The following LONRF2 variants were observed in gnomAD, a reference collection of about 807,000 sequenced individuals.
LONRF2 encodes LON peptidase N-terminal domain and ring finger 2, also known as LON peptidase N-terminal domain and RING finger protein 2.
A neutral mutation model predicts 66.6 loss-of-function variants in LONRF2; 35 were observed. The ratio of observed to expected loss-of-function variants is 0.53; its 90% confidence interval spans 0.40 to 0.70. The LOEUF (loss-of-function observed/expected upper bound fraction) is 0.70, where lower values mean the gene tolerates loss of function less well. Ranked by LOEUF, LONRF2 falls within the 30% of genes least tolerant of loss-of-function variation. LONRF2 has a pLI of 0.00. For missense variants in LONRF2, 902 were observed against 1,002.1 expected (o/e 0.90, Z 1.35); for synonymous variants, 417 against 418.1 (o/e 1.00, Z 0.03).
At chr2:100,306,925 CTTT>C (rs34262421) in intron 2 of LONRF2, among the ~76,000 whole-genome samples, 2 of 119,982 alleles carry the variant, frequency 1.7e-5, no homozygotes, top group Non-Finnish European at 1.7e-5. Flanking sequence ...GAGTCTCGCT[CTTT>C]TTTTTTTTTT....
intron 9 of LONRF2, among the ~76,000 whole-genome samples, chr2:100,293,766 G>C (rs1423036883): frequency 6.6e-6 from 1 of 152,204 alleles, no homozygotes; most frequent in African/African-American, 2.4e-5. Flanking sequence ...TTTTTGTAGA[G>C]ATGGGGTCTC....
At chr2:100,299,957 G>C in intron 4 of LONRF2, 39 bp from the exon 5 acceptor site, 1 of 1,164,892 alleles carries the variant, frequency 8.6e-7, no homozygotes. Flanking sequence ...GAGTATTAAA[G>C]AAATCATAGC....
intron 11 of LONRF2, among the ~76,000 whole-genome samples, chr2:100,286,474 T>C (rs991753810): frequency 6.6e-6 from 1 of 152,166 alleles, no homozygotes; most frequent in East Asian, 1.9e-4. Context: ...GCAGGGTACT[T>C]AGAGGACAAG....
chr2:100,295,648 G>A, intron 7 of LONRF2, 95 bp from the exon 8 acceptor site: 1 of 1,292,626 alleles, frequency 7.7e-7, no homozygotes, highest in East Asian at 2.5e-5. Context: ...TGGTGGGTGG[G>A]ATCTCTGAGC....
intron 9 of LONRF2, 36 bp downstream of exon 9, chr2:100,294,193 T>G (rs1675018153): frequency 6.2e-7 from 1 of 1,600,354 alleles, no homozygotes; most frequent in African/African-American, 1.3e-5. Context: ...ATGCCCTTCA[T>G]TAGGACCCTT....
At chr2:100,297,189 C>T (rs563700497) in intron 7 of LONRF2, among the ~76,000 whole-genome samples, 47 of 151,856 alleles carry the variant, frequency 3.1e-4, no homozygotes, top group South Asian at 1.5e-3. Flanking sequence ...AGTGCAGTGG[C>T]GCAATCTTGG....
rs75868303 is a variant in LONRF2 at position 100,292,288 on chromosome 2, G to A, written c.1758-1868C>T. 2.6e-4 allele frequency among the ~76,000 whole-genome samples: 40 copies of A among 152,302 alleles called. No individual in the cohort carries two copies. The East Asian group carries it at 7.7e-3, about 29-fold the overall frequency. Reference sequence around the variant, plus strand: ...CTTGCTGCAGGGCATGACTCATCAAGGAGCCTCTTATCTGTGGACAGGAGC... The same window carrying A: ...CTTGCTGCAGGGCATGACTCATCAAAGAGCCTCTTATCTGTGGACAGGAGC... On this transcript the variant is annotated intron_variant, in intron 9 of 11. Transcript: ENST00000393437.
chr2:100,311,716 G>A lies in LONRF2; in HGVS notation c.680-2491C>T, dbSNP rs550401239. ...AGAGAAAATATTTATCAAGTTAGGT[G>A]ATTTCTCTCCCATTCCTAGTTTTCT... On this transcript the variant is annotated intron_variant, in intron 1 of 11. Coordinates refer to ENST00000393437, the MANE Select transcript of LONRF2 (RefSeq NM_198461.4). Among the ~76,000 whole-genome samples, 3 of 152,208 alleles carry A rather than the reference G, an allele frequency of 2.0e-5. No homozygotes were observed. The South Asian group carries it at 6.2e-4, about 32-fold the overall frequency.
In LONRF2 at chr2:100,275,689, C is replaced by T. The variant is rs1674586413; in HGVS notation, c.*8609G>A. 1 of 152,190 alleles carries T rather than the reference C, an allele frequency of 6.6e-6. No homozygotes were observed. Among genetic ancestry groups the T allele is most frequent in the African/African-American group, 2.4e-5 (1 of 41,438 alleles). The allele number at this position is 152,190 out of a possible 1,614,324, so 9.4% of individuals were successfully genotyped here. On this transcript the variant is annotated 3_prime_UTR_variant, in exon 12 of 12. Coordinates refer to ENST00000393437, the MANE Select transcript of LONRF2 (RefSeq NM_198461.4). ...AGGGGAAGGGGTGGGACACTTTGTT[C>T]CCACTCCCCTGAGACCTGCAGAAGC...
rs1231555223 is a variant in LONRF2 at position 100,321,794 on chromosome 2, G to T, written c.300C>A (p.Gly100=). ...LRPEELEELA[G]GLVRAVGLRD... ...GCAGGCCCACGGCGCGCACCAGGCC[G>T]CCCGCCAGCTCTTCCAGCTCCTCCG... The change falls in exon 1 of 12, where the codon GGC becomes GGA. Residue 100 remains glycine (G), a synonymous_variant. Transcript: ENST00000393437. The T allele has an allele frequency of 4.7e-6, 5 of 1,062,598 alleles. No homozygotes were observed. The highest frequency in any genetic ancestry group is 8.4e-5 in the East Asian group (1 of 11,838). 65.8% of individuals were successfully genotyped at this position (1,062,598 alleles called of 1,614,324 possible). A position where few individuals can be genotyped will look rare whatever the true frequency, so the allele number is the denominator to read the frequency against.
intron 9 of LONRF2, among the ~76,000 whole-genome samples, chr2:100,291,533 C>T (rs1171086111): frequency 6.6e-6 from 1 of 152,044 alleles, no homozygotes; most frequent in Non-Finnish European, 1.5e-5. Context: ...CCTTCATCTC[C>T]TTGCCTCCCC....
intron 2 of LONRF2, among the ~76,000 whole-genome samples, chr2:100,303,387 G>A (rs921190820): frequency 6.6e-6 from 1 of 152,130 alleles, no homozygotes; most frequent in African/African-American, 2.4e-5. Context: ...TGGCTTCCAG[G>A]AGTTTACAGT....
intron 2 of LONRF2, among the ~76,000 whole-genome samples, chr2:100,305,438 C>T (rs1269788565): frequency 6.6e-6 from 1 of 152,076 alleles, no homozygotes; most frequent in East Asian, 1.9e-4. Flanking sequence ...TAAAAATTCT[C>T]CAGAACATTG....
Position 100,284,034 on chromosome 2 carries a change from C to G in LONRF2, c.*264G>C. Reference sequence around the variant, plus strand: ...CCTGTGCTGTCAGTGAACTGCATTCCCCAAGCACCTGCTTCTAAGAGATTT... The same window carrying G: ...CCTGTGCTGTCAGTGAACTGCATTCGCCAAGCACCTGCTTCTAAGAGATTT... On this transcript the variant is annotated 3_prime_UTR_variant, in exon 12 of 12. Transcript: ENST00000393437. The G allele has an allele frequency of 5.6e-6, 2 of 357,808 alleles. No homozygotes were observed. The highest frequency in any genetic ancestry group is 5.0e-5 in the South Asian group (1 of 20,056). 22.2% of individuals were successfully genotyped at this position (357,808 alleles called of 1,614,324 possible). A position where few individuals can be genotyped will look rare whatever the true frequency, so the allele number is the denominator to read the frequency against.
rs1573103146 is a variant in LONRF2 at position 100,276,869 on chromosome 2, C to A, written c.*7429G>T. ...TGAGGGGCACATACACCTTTGCAGG[C>A]CACCCACAGGGAGCTCCACGGCTTT... On this transcript the variant is annotated 3_prime_UTR_variant, in exon 12 of 12. Transcript: ENST00000393437. 6.6e-6 allele frequency: 1 copy of A among 152,234 alleles called. No individual in the cohort carries two copies. Among genetic ancestry groups the A allele is most frequent in the South Asian group, 2.1e-4 (1 of 4,830 alleles). 9.4% of individuals were successfully genotyped at this position (152,234 alleles called of 1,614,324 possible).
At chr2:100,296,730 T>C (rs929482113) in intron 7 of LONRF2, among the ~76,000 whole-genome samples, 16 of 152,210 alleles carry the variant, frequency 1.1e-4, no homozygotes, top group African/African-American at 3.9e-4. Context: ...TGCTTCATAA[T>C]TGTCATTATT....
In LONRF2 at chr2:100,274,941, C is replaced by T. The variant is rs6732839; in HGVS notation, c.*9357G>A. ...TTATGAATTAAACGTGGGTACATTT[C>T]GATACCACGGGCACAGTGAGCAGGG... On this transcript the variant is annotated 3_prime_UTR_variant, in exon 12 of 12. Coordinates refer to ENST00000393437, the MANE Select transcript of LONRF2 (RefSeq NM_198461.4). 0.043 allele frequency: 6,536 copies of T among 152,320 alleles called. 426 individuals carry two copies. Among genetic ancestry groups the T allele is most frequent in the Admixed American group, 0.19 (2,834 of 15,290 alleles). The allele number at this position is 152,320 out of a possible 1,614,324, so 9.4% of individuals were successfully genotyped here.
chr2:100,286,919 G>T lies in LONRF2; in HGVS notation c.2065C>A (p.Pro689Thr). The T allele has an allele frequency of 6.2e-7, 1 of 1,613,574 alleles. No homozygotes were observed. Among genetic ancestry groups the T allele is most frequent in the South Asian group, 1.1e-5 (1 of 90,922 alleles). The change falls in exon 11 of 12, where the codon CCT becomes ACT. Residue 689 changes from proline (P) to threonine (T), a missense_variant. Physicochemically the swap from Pro to Thr is conservative, Grantham distance 38. Transcript: ENST00000393437. The part of the protein sequence containing the change: ...FGVMPDREPE[P>T]QSNPSGPAWS... ...AGGAAAAAGGGAGGGCATACCTGAG[G>T]CTCAGGTTCTCTGTCTGGCATTACC... is the stretch of plus-strand genomic sequence containing the variant.
Position 100,321,983 on chromosome 2 carries a change from G to A in LONRF2, c.111C>T (p.Gly37=). 2.0e-6 allele frequency: 3 copies of A among 1,464,448 alleles called. No individual in the cohort carries two copies. Among genetic ancestry groups the A allele is most frequent in the Non-Finnish European group, 2.7e-6 (3 of 1,109,650 alleles). 90.7% of individuals were successfully genotyped at this position (1,464,448 alleles called of 1,614,324 possible). Residue 37 remains glycine (G), a synonymous_variant, in exon 1 of 12, where the codon GGC becomes GGT. Transcript: ENST00000393437. ...AGAGCTCGGCTGCCATCTCGTAGTC[G>A]CCCGCGCGGAAGGCCTCGTCGCCCT... ...LEEGDEAFRA[G]DYEMAAELFR...
Sources: gnomAD v4.1 joint callset for allele counts (sites outside exome capture counted in the v4.1 genomes callset) on GRCh38, gnomAD v4.1.1 for gene constraint, MANE v1.5 for transcripts, NCBI Gene and HGNC (gene_info 2026-07-23, HGNC 2026-07-21) for gene names.